The following GPT2 variants were observed in gnomAD, a reference collection of about 807,000 sequenced individuals.
GPT2 encodes the protein alanine aminotransferase 2.
GPT2 carries 30 observed loss-of-function variants against 56.9 expected under a neutral mutation model. The ratio of observed to expected loss-of-function variants is 0.53; its 90% confidence interval spans 0.39 to 0.72. The LOEUF (loss-of-function observed/expected upper bound fraction) is 0.72. Ranked by LOEUF, GPT2 falls within the 30% of genes least tolerant of loss-of-function variation. GPT2 has a pLI of 0.00. For missense variants in GPT2, 542 were observed against 703.4 expected, an observed-to-expected ratio of 0.77 and a Z score of 2.60; for synonymous variants, 271 against 283.1, an observed-to-expected ratio of 0.96 and a Z score of 0.43.
At chr16:46,916,764 G>C (rs1198647059) in intron 7 of GPT2, 57 bp downstream of exon 7, 1 of 1,197,674 alleles carries the variant, frequency 8.3e-7, no homozygotes. Context: ...TAGAGGGAGG[G>C]ACCCAGCCCC....
intron 4 of GPT2, among the ~76,000 whole-genome samples, chr16:46,903,310 TC>T (rs1960857303): frequency 6.6e-6 from 1 of 152,038 alleles, no homozygotes; most frequent in African/African-American, 2.4e-5. Context: ...GTTTTTTTTT[TC>T]TTTTTTCCTT....
At chr16:46,918,846 C>A in intron 8 of GPT2, 89 bp downstream of exon 8, 1 of 1,491,774 alleles carries the variant, frequency 6.7e-7, no homozygotes, top group Non-Finnish European at 9.2e-7. Context: ...GGTCCACCCA[C>A]TTGGATGGAG....
intron 2 of GPT2, among the ~76,000 whole-genome samples, chr16:46,889,427 C>G (rs965859159): frequency 4.6e-5 from 7 of 151,618 alleles, no homozygotes; most frequent in African/African-American, 1.7e-4. Context: ...TGGCTAATTT[C>G]CTTTTTTGTA....
chr16:46,910,380 CAA>C (rs4039999), intron 6 of GPT2, among the ~76,000 whole-genome samples: 3 of 46,476 alleles, frequency 6.5e-5, no homozygotes, highest in African/African-American at 3.1e-4. Flanking sequence ...GACTCTGTCT[CAA>C]AAAAAAAAAA....
At chr16:46,899,686 C>A (rs559036776) in intron 3 of GPT2, among the ~76,000 whole-genome samples, 1 of 152,336 alleles carries the variant, frequency 6.6e-6, no homozygotes, top group East Asian at 1.9e-4. Flanking sequence ...TGGGAGGAGG[C>A]CAGAGGGCCC....
At chr16:46,900,861 C>G in intron 4 of GPT2, 71 bp downstream of exon 4, 1 of 1,287,980 alleles carries the variant, frequency 7.8e-7, no homozygotes, top group Non-Finnish European at 1.1e-6. Flanking sequence ...CAGCCTCAAG[C>G]GGAGGGTCCT....
chr16:46,908,423 C>T (rs541188708), intron 5 of GPT2, among the ~76,000 whole-genome samples: 1 of 152,248 alleles, frequency 6.6e-6, no homozygotes, highest in Admixed American at 6.5e-5. Context: ...CCTTTCTGCA[C>T]ACGCCTCCCA....
At chr16:46,923,769 A>G (rs964723009) in intron 9 of GPT2, 2 of 178,438 alleles carry the variant, frequency 1.1e-5, no homozygotes, top group African/African-American at 4.7e-5. Flanking sequence ...CATGCACACC[A>G]CACAGACAGA....
At chr16:46,922,130 C>A in intron 8 of GPT2, 112 bp from the exon 9 acceptor site, 1 of 964,168 alleles carries the variant, frequency 1.0e-6, no homozygotes, top group Non-Finnish European at 1.6e-6. Flanking sequence ...CTCAGCCACA[C>A]CTGGCCATTT....
At chr16:46,887,461 A>G (rs1026178950) in intron 2 of GPT2, among the ~76,000 whole-genome samples, 4 of 152,206 alleles carry the variant, frequency 2.6e-5, no homozygotes, top group African/African-American at 9.6e-5. Flanking sequence ...GCGAGACTCC[A>G]TCTCAAAAAA....
chr16:46,887,279 C>A (rs1215620768), intron 2 of GPT2, among the ~76,000 whole-genome samples: 1 of 152,072 alleles, frequency 6.6e-6, no homozygotes, highest in African/African-American at 2.4e-5. Flanking sequence ...ACCAGCCTGG[C>A]CAACATGGGG....
At chr16:46,898,155 G>A (rs959807671) in intron 3 of GPT2, among the ~76,000 whole-genome samples, 1 of 152,212 alleles carries the variant, frequency 6.6e-6, no homozygotes, top group African/African-American at 2.4e-5. Flanking sequence ...GCTCTGCTGC[G>A]TACCAGTTGG....
At chr16:46,908,399 G>C (rs916237022) in intron 5 of GPT2, among the ~76,000 whole-genome samples, 1 of 152,144 alleles carries the variant, frequency 6.6e-6, no homozygotes. Context: ...GGGGGGACTG[G>C]TTGCCTGCCT....
intron 6 of GPT2, among the ~76,000 whole-genome samples, chr16:46,912,300 C>T (rs890413875): frequency 2.6e-5 from 4 of 152,254 alleles, no homozygotes; most frequent in Admixed American, 2.6e-4. Flanking sequence ...GCCTCGGTAC[C>T]CTCCTCAGCT....
chr16:46,885,401 TGGG>T, intron 2 of GPT2: 1 of 236,276 alleles, frequency 4.2e-6, no homozygotes, highest in Non-Finnish European at 5.2e-6. Flanking sequence ...GGAGACGGGG[TGGG>T]GGGGGCTCTG....
chr16:46,894,132 G>C (rs1960639672), intron 2 of GPT2, among the ~76,000 whole-genome samples: 1 of 152,216 alleles, frequency 6.6e-6, no homozygotes, highest in Non-Finnish European at 1.5e-5. Flanking sequence ...AGGATCTGCA[G>C]GCACCAAGAC....
At chr16:46,904,702 A>G (rs1229748500) in intron 4 of GPT2, among the ~76,000 whole-genome samples, 4 of 152,140 alleles carry the variant, frequency 2.6e-5, no homozygotes, top group Admixed American at 2.0e-4. Flanking sequence ...AGAGGCAGGA[A>G]GAATGGGAGG....
intron 11 of GPT2, among the ~76,000 whole-genome samples, 164 bp from the exon 12 acceptor site, chr16:46,928,743 T>C (rs1193231898): frequency 6.6e-6 from 1 of 152,190 alleles, no homozygotes; most frequent in Non-Finnish European, 1.5e-5. Flanking sequence ...AACATGTGAA[T>C]GAAGGGGAAA....
In GPT2 at chr16:46,884,765, C is replaced by G. The variant is rs1223204862; in HGVS notation, c.50C>G (p.Pro17Arg). The change falls in exon 2 of 12, where the codon CCC becomes CGC. Residue 17 changes from proline (P) to arginine (R), a missense_variant. Transcript: ENST00000340124. ...LVRRGCGPRT[P>R]SSWGRSQSSA... Reference sequence around the variant, plus strand: ...CGGCGGGGCTGTGGTCCCCGGACCCCCAGCTCCTGGGGCCGCAGCCAGAGC... The same window carrying G: ...CGGCGGGGCTGTGGTCCCCGGACCCGCAGCTCCTGGGGCCGCAGCCAGAGC... 4.0e-6 allele frequency: 6 copies of G among 1,482,774 alleles called. No homozygotes were observed. Among genetic ancestry groups the G allele is most frequent in the South Asian group, 1.4e-5 (1 of 73,470 alleles). The allele number at this position is 1,482,774 out of a possible 1,614,324, so 91.9% of individuals were successfully genotyped here.
Sources: allele counts gnomAD v4.1 joint callset (sites outside exome capture counted in the v4.1 genomes callset), GRCh38; gene constraint gnomAD v4.1.1; transcripts MANE v1.5; gene names NCBI Gene and HGNC (gene_info 2026-07-23, HGNC 2026-07-21).